The following FARS2 variants were observed in gnomAD, a reference collection of about 807,000 sequenced individuals.
FARS2 encodes the protein phenylalanyl-tRNA synthetase 2, mitochondrial.
Under a neutral mutation model 46.4 loss-of-function variants are expected in FARS2, and 40 were observed. The ratio of observed to expected loss-of-function variants is 0.86; its 90% confidence interval spans 0.67 to 1.12. FARS2 has a LOEUF of 1.12. Ranked by LOEUF, FARS2 falls within the 50% of genes most tolerant of loss-of-function variation. The probability of loss-of-function intolerance (pLI) is 0.00; values close to 1 mark genes in which losing one functional copy is unlikely to be tolerated. For synonymous variants in FARS2, 234 were observed against 214.9 expected, an observed-to-expected ratio of 1.09 and a Z score of -0.78; for missense variants, 513 against 567.9, an observed-to-expected ratio of 0.90 and a Z score of 0.98.
chr6:5,543,178 A>G (rs532399966), intron 4 of FARS2, among the ~76,000 whole-genome samples: 148 of 152,304 alleles, frequency 9.7e-4, no homozygotes, highest in Non-Finnish European at 1.7e-3. Context: ...TCTGTAGCTT[A>G]TAGCCTGTGT....
chr6:5,300,812 A>C (rs1245930824), intron 1 of FARS2, among the ~76,000 whole-genome samples: 1 of 152,046 alleles, frequency 6.6e-6, no homozygotes, highest in Non-Finnish European at 1.5e-5. Context: ...CTGGGACTAT[A>C]GTCATGTGCT....
intron 6 of FARS2, among the ~76,000 whole-genome samples, chr6:5,616,045 A>C (rs1443044269): frequency 2.6e-5 from 4 of 151,186 alleles, no homozygotes; most frequent in Non-Finnish European, 5.9e-5. Flanking sequence ...ACAACGAAAC[A>C]AACAAACAAA....
chr6:5,611,486 C>T (rs1775181721), intron 5 of FARS2, among the ~76,000 whole-genome samples: 1 of 152,156 alleles, frequency 6.6e-6, no homozygotes, highest in Non-Finnish European at 1.5e-5. Context: ...TAGTTAGCCT[C>T]TTATTTCCCA....
At chr6:5,328,389 G>T (rs1002086311) in intron 1 of FARS2, among the ~76,000 whole-genome samples, 12 of 152,116 alleles carry the variant, frequency 7.9e-5, no homozygotes, top group Admixed American at 7.2e-4. Context: ...CAAAGTTAGG[G>T]GGTTTTGTTT....
At chr6:5,562,028 T>C (rs990285458) in intron 5 of FARS2, among the ~76,000 whole-genome samples, 2 of 152,260 alleles carry the variant, frequency 1.3e-5, no homozygotes, top group Middle Eastern at 3.4e-3. Context: ...TGGTTGTTAC[T>C]TTGTTTAGTA....
At chr6:5,308,759 A>C (rs964249309) in intron 1 of FARS2, among the ~76,000 whole-genome samples, 3 of 152,204 alleles carry the variant, frequency 2.0e-5, no homozygotes, top group African/African-American at 4.8e-5. Flanking sequence ...CAACTGTATT[A>C]GTTCATTTGG....
At chr6:5,473,887 C>T (rs1317070683) in intron 4 of FARS2, among the ~76,000 whole-genome samples, 1 of 152,118 alleles carries the variant, frequency 6.6e-6, no homozygotes. Flanking sequence ...GAATGGACGC[C>T]GCCCTGCTGG....
intron 5 of FARS2, among the ~76,000 whole-genome samples, chr6:5,597,918 A>G (rs1237641793): frequency 6.6e-6 from 1 of 152,038 alleles, no homozygotes; most frequent in Non-Finnish European, 1.5e-5. Context: ...TATTTAGAAA[A>G]TATATGCTCT....
At chr6:5,468,171 C>T (rs1765616044) in intron 4 of FARS2, among the ~76,000 whole-genome samples, 1 of 152,094 alleles carries the variant, frequency 6.6e-6, no homozygotes, top group Non-Finnish European at 1.5e-5. Flanking sequence ...GCTTCAGTGT[C>T]ATGGAAACTC....
chr6:5,627,136 G>A (rs1167142332), intron 6 of FARS2, among the ~76,000 whole-genome samples: 1 of 152,194 alleles, frequency 6.6e-6, no homozygotes, highest in Non-Finnish European at 1.5e-5. Flanking sequence ...GTAGCTTTCA[G>A]CTCCACTATA....
chr6:5,417,864 G>C (rs997177732), intron 3 of FARS2, among the ~76,000 whole-genome samples: 2 of 152,080 alleles, frequency 1.3e-5, no homozygotes, highest in Non-Finnish European at 2.9e-5. Context: ...TGTGTATGTG[G>C]CCACTTAAAA....
chr6:5,544,845 G>A (rs1168850270), intron 4 of FARS2, among the ~76,000 whole-genome samples: 1 of 152,142 alleles, frequency 6.6e-6, no homozygotes, highest in African/African-American at 2.4e-5. Context: ...ATATTCAGTG[G>A]GCTAAATGTT....
intron 3 of FARS2, among the ~76,000 whole-genome samples, chr6:5,414,508 CCTATT>C (rs1322752100): frequency 6.6e-6 from 1 of 152,156 alleles, no homozygotes; most frequent in East Asian, 1.9e-4. Context: ...TCAAGGAAAT[CCTATT>C]GTATGTATTC....
rs779872034 is a variant in FARS2, at chr6:5,758,517, G to A, written c.1218-12774G>A. ...TAGGCTTAGAGCCGTGAAGGGACTC[G>A]CACCAACTCACTTCTCTTACAAAGA... On this transcript the variant is annotated intron_variant, in intron 6 of 6. Coordinates refer to ENST00000274680, the MANE Select transcript of FARS2 (RefSeq NM_006567.5). Among the ~76,000 whole-genome samples, 8 of 152,122 alleles carry A rather than the reference G, an allele frequency of 5.3e-5. No individual in the cohort carries two copies. In the South Asian group the frequency reaches 8.3e-4, roughly 16 times the overall value.
At chr6:5,336,708 T>A (rs1459899574) in intron 1 of FARS2, among the ~76,000 whole-genome samples, 1 of 152,148 alleles carries the variant, frequency 6.6e-6, no homozygotes, top group African/African-American at 2.4e-5. Context: ...ATATTCACCC[T>A]ATTGTGCTAT....
chr6:5,309,062 A>C (rs1768916737), intron 1 of FARS2, among the ~76,000 whole-genome samples: 1 of 152,180 alleles, frequency 6.6e-6, no homozygotes, highest in Non-Finnish European at 1.5e-5. Flanking sequence ...TTAGAATTTC[A>C]ATATATGAAT....
At chr6:5,658,382 A>G (rs1777700332) in intron 6 of FARS2, among the ~76,000 whole-genome samples, 1 of 152,242 alleles carries the variant, frequency 6.6e-6, no homozygotes, top group Non-Finnish European at 1.5e-5. Flanking sequence ...GCATTAACAC[A>G]TAATCTTTCC....
intron 2 of FARS2, among the ~76,000 whole-genome samples, chr6:5,378,653 G>A (rs1759547455): frequency 6.6e-6 from 1 of 152,206 alleles, no homozygotes; most frequent in Admixed American, 6.5e-5. Context: ...ATAGCCTCAT[G>A]TGGAGGGGCT....
At chr6:5,490,212 G>T (rs755193019) in intron 4 of FARS2, among the ~76,000 whole-genome samples, 4 of 152,136 alleles carry the variant, frequency 2.6e-5, no homozygotes, top group African/African-American at 4.8e-5. Context: ...CATCCATGTT[G>T]CATGTATTAA....
Sources: gnomAD v4.1 joint callset for allele counts (sites outside exome capture counted in the v4.1 genomes callset) on GRCh38, gnomAD v4.1.1 for gene constraint, MANE v1.5 for transcripts, NCBI Gene and HGNC (gene_info 2026-07-23, HGNC 2026-07-21) for gene names.